MECOM: variants seen among roughly 807,000 people sequenced by gnomAD.
MECOM encodes histone-lysine N-methyltransferase MECOM.
MECOM carries 13 observed loss-of-function variants against 116.3 expected under a neutral mutation model. That is an observed-to-expected ratio of 0.11 (90% CI 0.07 to 0.18). The LOEUF is 0.18. Among genes scored for constraint, MECOM ranks in the 10% least tolerant of loss-of-function variants. The pLI is 1.00. For missense variants in MECOM, 1,299 were observed against 1,509.0 expected, an observed-to-expected ratio of 0.86 and a Z score of 2.31; for synonymous variants, 528 against 535.2, an observed-to-expected ratio of 0.99 and a Z score of 0.19.
intron 1 of MECOM, among the ~76,000 whole-genome samples, chr3:169,413,443 C>T (rs528028752): frequency 1.7e-3 from 254 of 152,066 alleles, no homozygotes; most frequent in African/African-American, 6.0e-3. Flanking sequence ...TGGGCAGACA[C>T]CAAGCTAGCT....
intron 1 of MECOM, among the ~76,000 whole-genome samples, chr3:169,410,526 CT>C (rs775861532): frequency 2.0e-5 from 3 of 152,292 alleles, no homozygotes; most frequent in South Asian, 2.1e-4. Context: ...ACTTTTCCCC[CT>C]GGAGACTGAG....
At chr3:169,130,240 G>C (rs923893623) in intron 4 of MECOM, among the ~76,000 whole-genome samples, 1 of 151,982 alleles carries the variant, frequency 6.6e-6, no homozygotes, top group South Asian at 2.1e-4. Context: ...ACCTTTTTAG[G>C]TCTAACATTT....
At chr3:169,210,950 A>C (rs1406775274) in intron 2 of MECOM, among the ~76,000 whole-genome samples, 5 of 152,168 alleles carry the variant, frequency 3.3e-5, no homozygotes, top group African/African-American at 7.2e-5. Context: ...ATTGAGTGGC[A>C]TATATCAGTA....
At chr3:169,160,108 C>A (rs1234013733) in intron 2 of MECOM, among the ~76,000 whole-genome samples, 1 of 151,800 alleles carries the variant, frequency 6.6e-6, no homozygotes, top group Non-Finnish European at 1.5e-5. Context: ...ATATTTTGTC[C>A]CTTTAATTTA....
At chr3:169,535,890 T>A (rs1759293110) in intron 1 of MECOM, among the ~76,000 whole-genome samples, 1 of 152,192 alleles carries the variant, frequency 6.6e-6, no homozygotes, top group African/African-American at 2.4e-5. Context: ...CAGTGTCTAA[T>A]AGGGTTGTTG....
chr3:169,307,773 C>A (rs1401467261), intron 2 of MECOM, among the ~76,000 whole-genome samples: 1 of 152,132 alleles, frequency 6.6e-6, no homozygotes, highest in South Asian at 2.1e-4. Flanking sequence ...ACCTAGTTCC[C>A]TCCCACTCCT....
chr3:169,545,381 C>T (rs558888076), intron 1 of MECOM, among the ~76,000 whole-genome samples: 3 of 152,214 alleles, frequency 2.0e-5, no homozygotes, highest in African/African-American at 7.2e-5. Flanking sequence ...GGGTATAATC[C>T]TTAGCTCCTA....
intron 1 of MECOM, among the ~76,000 whole-genome samples, chr3:169,593,504 C>A (rs761886912): frequency 6.6e-5 from 10 of 152,122 alleles, no homozygotes; most frequent in Non-Finnish European, 1.3e-4. Flanking sequence ...TGGCCCATGA[C>A]ATATTAGCAT....
intron 1 of MECOM, among the ~76,000 whole-genome samples, chr3:169,624,157 C>A (rs1771082004): frequency 5.3e-5 from 8 of 152,226 alleles, no homozygotes; most frequent in Admixed American, 5.2e-4. Context: ...AGGGGCCTAG[C>A]ATACCACGTT....
intron 10 of MECOM, among the ~76,000 whole-genome samples, chr3:169,107,347 C>T (rs1296114565): frequency 6.6e-6 from 1 of 152,080 alleles, no homozygotes; most frequent in Non-Finnish European, 1.5e-5. Flanking sequence ...TTGAAACTGA[C>T]TGGATCTGGA....
At chr3:169,144,557 T>C (rs534815745) in intron 2 of MECOM, among the ~76,000 whole-genome samples, 5 of 152,300 alleles carry the variant, frequency 3.3e-5, no homozygotes, top group South Asian at 4.1e-4. Context: ...GGTATACTTG[T>C]ATCTTGTTAT....
intron 1 of MECOM, among the ~76,000 whole-genome samples, chr3:169,634,449 A>T (rs1179596109): frequency 1.3e-5 from 2 of 152,178 alleles, no homozygotes; most frequent in African/African-American, 4.8e-5. Flanking sequence ...CTGTCTTACT[A>T]ACTCAGACCA....
chr3:169,228,384 C>T (rs997109883), intron 2 of MECOM, among the ~76,000 whole-genome samples: 1 of 152,038 alleles, frequency 6.6e-6, no homozygotes, highest in African/African-American at 2.4e-5. Context: ...GCGTATGTTA[C>T]GATCAAAGAC....
intron 2 of MECOM, among the ~76,000 whole-genome samples, chr3:169,181,133 A>C (rs900576090): frequency 6.6e-6 from 1 of 152,070 alleles, no homozygotes; most frequent in Non-Finnish European, 1.5e-5. Flanking sequence ...TGAAAAACAG[A>C]GATGCCCAGT....
At chr3:169,462,715 C>T (rs935083759) in intron 1 of MECOM, among the ~76,000 whole-genome samples, 1 of 152,142 alleles carries the variant, frequency 6.6e-6, no homozygotes, top group South Asian at 2.1e-4. Context: ...TTCTTTCAAA[C>T]TCAACAAGTA....
intron 1 of MECOM, among the ~76,000 whole-genome samples, chr3:169,570,932 A>G (rs769069559): frequency 1.2e-4 from 19 of 152,208 alleles, no homozygotes; most frequent in Admixed American, 3.3e-4. Flanking sequence ...CCAGCACAAG[A>G]CAAGGATGCC....
At chr3:169,119,454 G>C in intron 7 of MECOM, among the ~76,000 whole-genome samples, 1 of 152,118 alleles carries the variant, frequency 6.6e-6, no homozygotes, top group East Asian at 1.9e-4. Flanking sequence ...ATTGGAAAGG[G>C]ACACCCTATG....
At chr3:169,480,986 C>A (rs968378464) in intron 1 of MECOM, among the ~76,000 whole-genome samples, 1 of 151,998 alleles carries the variant, frequency 6.6e-6, no homozygotes, top group Non-Finnish European at 1.5e-5. Flanking sequence ...TCTTAAAACA[C>A]GTTTCTGTAC....
intron 2 of MECOM, chr3:169,149,669 A>G (rs1296005539): frequency 2.0e-6 from 1 of 498,666 alleles, no homozygotes; most frequent in East Asian, 5.8e-5. Flanking sequence ...CATCAGCCTG[A>G]GAGAAGGCTA....
Sources: gnomAD v4.1 joint callset for allele counts (sites outside exome capture counted in the v4.1 genomes callset) on GRCh38, gnomAD v4.1.1 for gene constraint, MANE v1.5 for transcripts, NCBI Gene and HGNC (gene_info 2026-07-23, HGNC 2026-07-21) for gene names.